Variants in PABPC4L observed in about 807,000 individuals in gnomAD.
The protein encoded by PABPC4L is polyadenylate-binding protein 4-like.
For synonymous variants in PABPC4L, 169 were observed against 164.1 expected (o/e 1.03, Z -0.23); for missense variants, 452 against 451.4 (o/e 1.00, Z -0.01).
the PABPC4L span, among the ~76,000 whole-genome samples, chr4:133,984,149 A>T: frequency 1.3e-5 from 2 of 151,892 alleles, no homozygotes. Context: ...AGACATGTCA[A>T]AGAATATTTG....
At chr4:134,126,589 T>C in the PABPC4L span, among the ~76,000 whole-genome samples, 3 of 118,656 alleles carry the variant, frequency 2.5e-5, no homozygotes, top group East Asian at 3.3e-3. Context: ...CATTTCCCTT[T>C]AGTCTTTTTT....
the PABPC4L span, among the ~76,000 whole-genome samples, chr4:134,001,741 C>A: frequency 6.6e-6 from 1 of 152,018 alleles, no homozygotes; most frequent in African/African-American, 2.4e-5. Flanking sequence ...TAAAATAATT[C>A]TCTTTCAAAC....
chr4:134,029,657 T>G, the PABPC4L span, among the ~76,000 whole-genome samples: 1 of 151,860 alleles, frequency 6.6e-6, no homozygotes, highest in African/African-American at 2.4e-5. Flanking sequence ...ATTAGTTAGA[T>G]TATTAAATTA....
downstream of PABPC4L, among the ~76,000 whole-genome samples, chr4:134,195,914 G>C (rs989715928): frequency 2.0e-5 from 3 of 151,572 alleles, no homozygotes; most frequent in Admixed American, 6.6e-5. Context: ...AGTATCGTGA[G>C]GGTATTTAAT....
the PABPC4L span, among the ~76,000 whole-genome samples, chr4:134,179,549 A>C: frequency 1.3e-5 from 2 of 152,146 alleles, no homozygotes; most frequent in Non-Finnish European, 2.9e-5. Context: ...GGTAACTTTG[A>C]ATGTAAATGA....
At chr4:134,006,816 T>C in the PABPC4L span, among the ~76,000 whole-genome samples, 17 of 151,966 alleles carry the variant, frequency 1.1e-4, no homozygotes, top group Admixed American at 1.1e-3. Flanking sequence ...AAAACTCGTA[T>C]GGAGAAATTT....
At chr4:133,969,286 CTG>C in the PABPC4L span, among the ~76,000 whole-genome samples, 1 of 152,114 alleles carries the variant, frequency 6.6e-6, no homozygotes, top group East Asian at 1.9e-4. Context: ...TTCTGTGAAA[CTG>C]AAAATGAAAT....
At chr4:134,110,519 C>A in the PABPC4L span, among the ~76,000 whole-genome samples, 1 of 150,740 alleles carries the variant, frequency 6.6e-6, no homozygotes, top group Non-Finnish European at 1.5e-5. Flanking sequence ...TAAAATCCCC[C>A]AACTAATAAC....
chr4:134,144,859 C>T, the PABPC4L span, among the ~76,000 whole-genome samples: 116 of 151,620 alleles, frequency 7.7e-4, 1 homozygote, highest in Non-Finnish European at 1.6e-3. Context: ...TCATTCTGCC[C>T]TAATTTGTGT....
the PABPC4L span, among the ~76,000 whole-genome samples, chr4:134,013,349 A>G: frequency 0.011 from 1,702 of 151,934 alleles, 29 homozygotes; most frequent in Middle Eastern, 0.082. Flanking sequence ...CTGGAGGGCA[A>G]GAACCCCCCA....
At chr4:133,971,050 A>G in the PABPC4L span, among the ~76,000 whole-genome samples, 1 of 149,990 alleles carries the variant, frequency 6.7e-6, no homozygotes, top group African/African-American at 2.5e-5. Flanking sequence ...TTTACTCATC[A>G]TGTTCAGTGT....
At chr4:134,047,159 A>G in the PABPC4L span, among the ~76,000 whole-genome samples, 1 of 152,198 alleles carries the variant, frequency 6.6e-6, no homozygotes, top group Admixed American at 6.5e-5. Context: ...AGGACTGGTA[A>G]GTGATTGAAC....
chr4:133,989,533 C>T, the PABPC4L span, among the ~76,000 whole-genome samples: 3 of 152,308 alleles, frequency 2.0e-5, no homozygotes, highest in South Asian at 4.1e-4. Flanking sequence ...TGACTTTCAA[C>T]ATTTTGGACA....
chr4:134,083,285 C>T, the PABPC4L span, among the ~76,000 whole-genome samples: 1 of 151,976 alleles, frequency 6.6e-6, no homozygotes, highest in African/African-American at 2.4e-5. Context: ...AAGCTGTAAC[C>T]TATATGTCTC....
chr4:134,154,188 A>G, the PABPC4L span, among the ~76,000 whole-genome samples: 9 of 152,160 alleles, frequency 5.9e-5, no homozygotes, highest in South Asian at 2.1e-4. Context: ...AATATTTTTT[A>G]TAAGAAACTC....
the PABPC4L span, among the ~76,000 whole-genome samples, chr4:134,119,398 A>G: frequency 6.6e-6 from 1 of 151,722 alleles, no homozygotes; most frequent in Non-Finnish European, 1.5e-5. Flanking sequence ...CATTGGCCTC[A>G]TATAATTATT....
chr4:134,038,127 T>C, the PABPC4L span, among the ~76,000 whole-genome samples: 1 of 152,172 alleles, frequency 6.6e-6, no homozygotes. Context: ...ATTATGTTTA[T>C]TGTTTTGAGT....
the PABPC4L span, among the ~76,000 whole-genome samples, chr4:134,152,156 CT>C: frequency 2.0e-5 from 3 of 147,970 alleles, no homozygotes; most frequent in Non-Finnish European, 2.9e-5. Context: ...GGTTTACACT[CT>C]TTTTTCTTAA....
At chr4:134,150,422 T>C in the PABPC4L span, among the ~76,000 whole-genome samples, 1 of 152,146 alleles carries the variant, frequency 6.6e-6, no homozygotes, top group East Asian at 1.9e-4. Context: ...AATTAATAAA[T>C]ATGGAGTATG....
Sources: gnomAD v4.1 joint callset for allele counts (sites outside exome capture counted in the v4.1 genomes callset) on GRCh38, gnomAD v4.1.1 for gene constraint, MANE v1.5 for transcripts, NCBI Gene and HGNC (gene_info 2026-07-23, HGNC 2026-07-21) for gene names.